Variants in PBX1 observed in about 807,000 individuals in gnomAD.
The protein encoded by PBX1 is pre-B-cell leukemia transcription factor 1.
Under a neutral mutation model 53.4 loss-of-function variants are expected in PBX1, and 6 were observed. The observed-to-expected ratio is 0.11, with a 90% CI of 0.06 to 0.22. The LOEUF is 0.22. Among genes scored for constraint, PBX1 ranks in the 10% least tolerant of loss-of-function variants. The pLI, the probability that PBX1 is intolerant of heterozygous loss-of-function variation, is 1.00. For synonymous variants in PBX1, 204 were observed against 212.3 expected (o/e 0.96, Z 0.34); for missense variants, 251 against 551.4 (o/e 0.46, Z 5.46).
chr1:164,816,980 C>T (rs1669908428), intron 6 of PBX1: 1 of 152,102 alleles, frequency 6.6e-6, no homozygotes, highest in South Asian at 2.1e-4. Flanking sequence ...TCTGCCCAAG[C>T]AAATGCATTA....
At chr1:164,856,478 T>A (rs1671978836), downstream of PBX1, among the ~76,000 whole-genome samples, 1 of 152,162 alleles carries the variant, frequency 6.6e-6, no homozygotes, top group African/African-American at 2.4e-5. Context: ...TATTTTTAAT[T>A]TTTTTTCAAT....
At chr1:164,608,695 G>A (rs1267742820) in intron 2 of PBX1, among the ~76,000 whole-genome samples, 1 of 152,192 alleles carries the variant, frequency 6.6e-6, no homozygotes, top group Non-Finnish European at 1.5e-5. Flanking sequence ...TGAGAGTATG[G>A]CTCAGAAATG....
intron 2 of PBX1, among the ~76,000 whole-genome samples, chr1:164,590,918 C>T (rs1340819063): frequency 2.0e-5 from 3 of 152,064 alleles, no homozygotes. Context: ...GATCTCGGCT[C>T]ACTGCAACCT....
chr1:164,727,828 AAC>A (rs1664778028), intron 2 of PBX1, among the ~76,000 whole-genome samples: 1 of 152,178 alleles, frequency 6.6e-6, no homozygotes, highest in Non-Finnish European at 1.5e-5. Flanking sequence ...CCCCTCTCCC[AAC>A]CTGTAGGAAG....
At chr1:164,806,812 G>C (rs10800053) in intron 4 of PBX1, among the ~76,000 whole-genome samples, 75,880 of 152,022 alleles carry the variant, frequency 0.5, 19,366 homozygotes, top group African/African-American at 0.58. Context: ...AGTTGTAGCA[G>C]CTGCCACGTG....
chr1:164,581,927 T>TTG (rs1448569306), intron 2 of PBX1, among the ~76,000 whole-genome samples: 2 of 152,224 alleles, frequency 1.3e-5, no homozygotes, highest in Non-Finnish European at 2.9e-5. Flanking sequence ...TTGGGGATGA[T>TTG]TGTGTACTCA....
At chr1:164,853,939 TA>T (rs1180497544), downstream of PBX1, among the ~76,000 whole-genome samples, 18 of 126,066 alleles carry the variant, frequency 1.4e-4, no homozygotes, top group African/African-American at 2.4e-4. Flanking sequence ...TTATTTATTT[TA>T]TTTTTTTTTT....
intron 4 of PBX1, among the ~76,000 whole-genome samples, chr1:164,802,533 C>T (rs1011430029): frequency 1.3e-5 from 2 of 152,132 alleles, no homozygotes; most frequent in African/African-American, 4.8e-5. Flanking sequence ...AGGCTTTAAT[C>T]GAATCTTCCC....
In PBX1 at chr1:164,846,712, C is replaced by A. The variant is rs1360211856; in HGVS notation, c.*36C>A. On this transcript the variant is annotated 3_prime_UTR_variant, in exon 9 of 9. Coordinates refer to ENST00000420696, the MANE Select transcript of PBX1 (RefSeq NM_002585.4). Reference sequence around the variant, plus strand: ...ATCGCATCCCGGCTGACCCTGTGCCCCAGTTGGGGCAGGGGCAGGAGGGAG... The same window carrying A: ...ATCGCATCCCGGCTGACCCTGTGCCACAGTTGGGGCAGGGGCAGGAGGGAG... 2 of 1,613,888 alleles carry A rather than the reference C, an allele frequency of 1.2e-6. No individual in the cohort carries two copies. Among genetic ancestry groups the A allele is most frequent in the Non-Finnish European group, 1.7e-6 (2 of 1,179,916 alleles).
At chr1:164,831,135 A>ATT (rs1432891300) in intron 8 of PBX1, among the ~76,000 whole-genome samples, 1 of 152,226 alleles carries the variant, frequency 6.6e-6, no homozygotes, top group Non-Finnish European at 1.5e-5. Context: ...TGTCATTAAT[A>ATT]TTTAACTCTA....
At chr1:164,747,397 T>TAGAC (rs1015023252) in intron 2 of PBX1, among the ~76,000 whole-genome samples, 1 of 152,004 alleles carries the variant, frequency 6.6e-6, no homozygotes, top group Non-Finnish European at 1.5e-5. Context: ...TACAAAAAGG[T>TAGAC]AGACTGAAGC....
chr1:164,816,318 G>A (rs943106298), intron 6 of PBX1: 2 of 152,120 alleles, frequency 1.3e-5, no homozygotes, highest in African/African-American at 4.8e-5. Context: ...CATAATTTAA[G>A]CTTACATCTA....
Position 164,825,837 on chromosome 1 carries a change from A to G in PBX1, c.1200+4211A>G, listed in dbSNP as rs1670432121. 5.3e-5 allele frequency among the ~76,000 whole-genome samples: 8 copies of G among 152,166 alleles called. No individual in the cohort carries two copies. In the South Asian group the frequency reaches 1.7e-3, roughly 32 times the overall value. ...AAGAATCCCTGTTTAAAAAAAGTAT[A>G]TATACCTGTTTGTAGGATAGCCATG... On this transcript the variant is annotated intron_variant, in intron 8 of 8. Transcript: ENST00000420696.
In PBX1 at chr1:164,693,297, T is replaced by G. The variant is rs12566072; in HGVS notation, c.266-99197T>G. ...CTTTGCCTGGTTTTCAGGGTGGCCC[T>G]GAGATACACAGGGTGCCTGCTGAGG... On this transcript the variant is annotated intron_variant, in intron 2 of 8. Transcript: ENST00000420696. Among the ~76,000 whole-genome samples, 20 of 152,310 alleles carry G rather than the reference T, an allele frequency of 1.3e-4. No individual in the cohort carries two copies. The East Asian group carries it at 3.7e-3, about 28-fold the overall frequency.
At chr1:164,620,694 T>C (rs1780356) in intron 2 of PBX1, among the ~76,000 whole-genome samples, 65,471 of 151,964 alleles carry the variant, frequency 0.43, 14,585 homozygotes, top group East Asian at 0.54. Flanking sequence ...CTTTTCTTTT[T>C]TTTTTTGTGA....
At chr1:164,728,651 A>T (rs1664824948) in intron 2 of PBX1, among the ~76,000 whole-genome samples, 1 of 152,230 alleles carries the variant, frequency 6.6e-6, no homozygotes, top group Admixed American at 6.5e-5. Context: ...TTAACTAAAC[A>T]TACTTCATTC....
chr1:164,802,692 A>G (rs1030889172), intron 4 of PBX1, among the ~76,000 whole-genome samples: 1 of 152,120 alleles, frequency 6.6e-6, no homozygotes, highest in Non-Finnish European at 1.5e-5. Flanking sequence ...TATGCCACTC[A>G]AGTCATTTCC....
intron 3 of PBX1, among the ~76,000 whole-genome samples, chr1:164,796,466 A>G (rs1167950240): frequency 1.3e-5 from 2 of 152,200 alleles, no homozygotes; most frequent in Non-Finnish European, 2.9e-5. Flanking sequence ...CAACAGGACT[A>G]AATCTCTAAT....
intron 2 of PBX1, among the ~76,000 whole-genome samples, chr1:164,600,462 T>G (rs1656090981): frequency 6.6e-6 from 1 of 152,158 alleles, no homozygotes; most frequent in African/African-American, 2.4e-5. Context: ...TTAGTCAGGC[T>G]GGTCTCGAAC....
Sources: gnomAD v4.1 joint callset for allele counts (sites outside exome capture counted in the v4.1 genomes callset) on GRCh38, gnomAD v4.1.1 for gene constraint, MANE v1.5 for transcripts, NCBI Gene and HGNC (gene_info 2026-07-23, HGNC 2026-07-21) for gene names.